The following PABPC4L variants were observed in gnomAD, a reference collection of about 807,000 sequenced individuals.
PABPC4L encodes polyadenylate-binding protein 4-like.
For synonymous variants in PABPC4L, 169 were observed against 164.1 expected (o/e 1.03, Z -0.23); for missense variants, 452 against 451.4 (o/e 1.00, Z -0.01).
chr4:133,961,045 C>T, the PABPC4L span, among the ~76,000 whole-genome samples: 284 of 152,254 alleles, frequency 1.9e-3, 2 homozygotes, highest in Middle Eastern at 0.01. Flanking sequence ...ATTGGTTGCT[C>T]TCCTTACTAC....
In PABPC4L at chr4:134,200,748, T is replaced by G. The variant is rs1462203581; in HGVS notation, c.272A>C (p.Tyr91Ser). ...GTTCCCAATTCCAGATCTCCTCAAG[T>G]AGGCATCGCGCTGAGACCACATGAG... ...IRLMWSQRDAYLRRSGIGNVF... is the reference protein window; with the variant it reads ...IRLMWSQRDASLRRSGIGNVF... Residue 91 changes from tyrosine to serine, a missense_variant, in exon 2 of 2, where the codon TAC becomes TCC. Physicochemically the swap from Tyr to Ser is moderately radical, Grantham distance 144. Coordinates refer to ENST00000421491, the MANE Select transcript of PABPC4L (RefSeq NM_001114734.2). The G allele has an allele frequency of 6.4e-7, 1 of 1,551,722 alleles. No homozygotes were observed. The highest frequency in any genetic ancestry group is 8.7e-7 in the Non-Finnish European group (1 of 1,146,990).
At chr4:134,030,758 C>T in the PABPC4L span, among the ~76,000 whole-genome samples, 2 of 151,530 alleles carry the variant, frequency 1.3e-5, no homozygotes, top group Non-Finnish European at 2.9e-5. Flanking sequence ...TGCATATGCC[C>T]TAAGAATAAA....
the PABPC4L span, among the ~76,000 whole-genome samples, chr4:134,079,867 G>A: frequency 6.6e-6 from 1 of 151,862 alleles, no homozygotes; most frequent in Admixed American, 6.6e-5. Context: ...TTCTATTTGT[G>A]TTAGCTATGA....
At chr4:134,160,820 A>C in the PABPC4L span, among the ~76,000 whole-genome samples, 2 of 152,062 alleles carry the variant, frequency 1.3e-5, no homozygotes, top group East Asian at 3.9e-4. Context: ...GTGAGACCCC[A>C]TCTGTAAAAA....
At chr4:134,140,265 A>T in the PABPC4L span, among the ~76,000 whole-genome samples, 7 of 151,946 alleles carry the variant, frequency 4.6e-5, no homozygotes, top group Non-Finnish European at 8.8e-5. Context: ...AAGATGATGG[A>T]TATGGTAATT....
the PABPC4L span, among the ~76,000 whole-genome samples, chr4:134,117,409 G>A: frequency 2.0e-5 from 3 of 151,744 alleles, no homozygotes; most frequent in Admixed American, 6.6e-5. Flanking sequence ...ATAACTACAT[G>A]GAATGATAAA....
the PABPC4L span, among the ~76,000 whole-genome samples, chr4:133,989,632 T>C: frequency 6.6e-6 from 1 of 152,154 alleles, no homozygotes; most frequent in African/African-American, 2.4e-5. Flanking sequence ...AGTTTTGAAC[T>C]TTCCCACGTT....
the PABPC4L span, among the ~76,000 whole-genome samples, chr4:134,053,906 C>T: frequency 1.3e-4 from 19 of 151,804 alleles, 1 homozygote; most frequent in African/African-American, 4.6e-4. Flanking sequence ...ATGCTTCTTC[C>T]TCACCTACCT....
chr4:133,993,455 G>A, the PABPC4L span, among the ~76,000 whole-genome samples: 1 of 152,160 alleles, frequency 6.6e-6, no homozygotes, highest in East Asian at 1.9e-4. Context: ...AACATATCAG[G>A]TGGACTCTCC....
the PABPC4L span, among the ~76,000 whole-genome samples, chr4:134,120,669 T>C: frequency 1.3e-5 from 2 of 151,398 alleles, no homozygotes; most frequent in African/African-American, 4.8e-5. Flanking sequence ...CATAATCTTT[T>C]GTCATTCTTA....
At chr4:134,043,310 CT>C in the PABPC4L span, among the ~76,000 whole-genome samples, 4 of 152,074 alleles carry the variant, frequency 2.6e-5, no homozygotes, top group African/African-American at 9.7e-5. Flanking sequence ...TATATGAGGA[CT>C]GTAGTTTTAT....
At chr4:134,011,048 C>T in the PABPC4L span, among the ~76,000 whole-genome samples, 1 of 151,980 alleles carries the variant, frequency 6.6e-6, no homozygotes, top group Non-Finnish European at 1.5e-5. Context: ...CTTTCAGATA[C>T]CAAATAATAC....
At chr4:134,069,988 G>GCT in the PABPC4L span, among the ~76,000 whole-genome samples, 1 of 108,336 alleles carries the variant, frequency 9.2e-6, no homozygotes, top group Non-Finnish European at 1.7e-5. Context: ...CCTTTGGAGG[G>GCT]TTTTTTTTTT....
At chr4:134,068,298 C>T in the PABPC4L span, among the ~76,000 whole-genome samples, 2 of 152,004 alleles carry the variant, frequency 1.3e-5, no homozygotes, top group South Asian at 4.1e-4. Flanking sequence ...CTCTTTTAAT[C>T]TTTGTTGGAT....
At chr4:133,963,785 A>T in the PABPC4L span, among the ~76,000 whole-genome samples, 1 of 152,168 alleles carries the variant, frequency 6.6e-6, no homozygotes, top group African/African-American at 2.4e-5. Context: ...GAATGACAAT[A>T]GTGACACAAC....
At chr4:133,958,691 G>A in the PABPC4L span, among the ~76,000 whole-genome samples, 15 of 152,266 alleles carry the variant, frequency 9.9e-5, no homozygotes, top group Non-Finnish European at 2.2e-4. Flanking sequence ...CTCTTCACAA[G>A]GCAACAGGAA....
chr4:134,128,259 T>C, the PABPC4L span, among the ~76,000 whole-genome samples: 1 of 152,188 alleles, frequency 6.6e-6, no homozygotes, highest in Admixed American at 6.5e-5. Context: ...TGTGGAAGCC[T>C]TCCCTGGCCT....
At chr4:133,970,651 G>A in the PABPC4L span, among the ~76,000 whole-genome samples, 1 of 152,126 alleles carries the variant, frequency 6.6e-6, no homozygotes, top group South Asian at 2.1e-4. Flanking sequence ...CTGGATATAT[G>A]TGTCCCCTCA....
At chr4:134,048,792 C>A in the PABPC4L span, among the ~76,000 whole-genome samples, 426 of 152,056 alleles carry the variant, frequency 2.8e-3, 4 homozygotes, top group African/African-American at 9.7e-3. Flanking sequence ...GATGTTCCAG[C>A]TAAATTAATT....
Sources: gnomAD v4.1 joint callset for allele counts (sites outside exome capture counted in the v4.1 genomes callset) on GRCh38, gnomAD v4.1.1 for gene constraint, MANE v1.5 for transcripts, NCBI Gene and HGNC (gene_info 2026-07-23, HGNC 2026-07-21) for gene names.